PHF24: variants seen among roughly 807,000 people sequenced by gnomAD.
The protein encoded by PHF24 is PHD finger protein 24.
Under a neutral mutation model 42.6 loss-of-function variants are expected in PHF24, and 25 were observed. The ratio of observed to expected loss-of-function variants is 0.59; its 90% CI spans 0.43 to 0.82. The LOEUF (loss-of-function observed/expected upper bound fraction) is 0.82. PHF24 is among the 40% of genes least tolerant of loss of function. The pLI, the probability that PHF24 is intolerant of heterozygous loss-of-function variation, is 0.00. For synonymous variants in PHF24, 185 were observed against 204.8 expected, an observed-to-expected ratio of 0.90 and a Z score of 0.83; for missense variants, 470 against 538.1, an observed-to-expected ratio of 0.87 and a Z score of 1.25.
the PHF24 span, among the ~76,000 whole-genome samples, chr9:34,783,579 C>G: frequency 6.6e-6 from 1 of 152,194 alleles, no homozygotes; most frequent in African/African-American, 2.4e-5. Flanking sequence ...CTGAATAAAT[C>G]AAATCTTGTT....
At chr9:34,838,248 T>C in the PHF24 span, 4 of 637,194 alleles carry the variant, frequency 6.3e-6, no homozygotes, top group South Asian at 1.9e-5. Context: ...GCATAAAAAT[T>C]GGGGGAGAGG....
the PHF24 span, among the ~76,000 whole-genome samples, chr9:34,888,274 G>A: frequency 1.3e-5 from 2 of 152,128 alleles, no homozygotes; most frequent in Non-Finnish European, 2.9e-5. Context: ...TTATATGACT[G>A]TCTATCCCAG....
chr9:34,963,540 G>A (rs1293943673), intron 1 of PHF24, among the ~76,000 whole-genome samples: 1 of 152,050 alleles, frequency 6.6e-6, no homozygotes, highest in East Asian at 1.9e-4. Flanking sequence ...TTCAAACCCA[G>A]GACAAAGGAA....
the PHF24 span, chr9:34,729,478 AG>A: frequency 1.3e-5 from 19 of 1,516,066 alleles, no homozygotes; most frequent in Non-Finnish European, 1.7e-5. Context: ...CTCGGAATTC[AG>A]GGTTCTGGTG....
At chr9:34,795,230 C>G in the PHF24 span, among the ~76,000 whole-genome samples, 1 of 150,222 alleles carries the variant, frequency 6.7e-6, no homozygotes, top group Non-Finnish European at 1.5e-5. Context: ...GGCAACAGAG[C>G]AAGACCCTGT....
the PHF24 span, among the ~76,000 whole-genome samples, chr9:34,940,412 A>C: frequency 1.3e-5 from 2 of 151,972 alleles, no homozygotes; most frequent in East Asian, 1.9e-4. Flanking sequence ...AAAAAAAAAA[A>C]AAACCTGTCT....
the PHF24 span, among the ~76,000 whole-genome samples, chr9:34,787,825 C>A: frequency 1.3e-5 from 2 of 152,148 alleles, no homozygotes; most frequent in Non-Finnish European, 2.9e-5. Flanking sequence ...TCATAAGGTT[C>A]AAAAATGACC....
the PHF24 span, among the ~76,000 whole-genome samples, chr9:34,934,938 G>A: frequency 6.6e-6 from 1 of 152,076 alleles, no homozygotes; most frequent in Non-Finnish European, 1.5e-5. Flanking sequence ...TTTTACAGAA[G>A]CAATTTACTC....
At chr9:34,740,888 CTCTT>C in the PHF24 span, among the ~76,000 whole-genome samples, 5 of 151,620 alleles carry the variant, frequency 3.3e-5, no homozygotes, top group Admixed American at 1.3e-4. Flanking sequence ...TTCTCTCTCT[CTCTT>C]TTTTTTTTTG....
chr9:34,692,660 C>T, the PHF24 span, among the ~76,000 whole-genome samples: 4 of 152,216 alleles, frequency 2.6e-5, no homozygotes, highest in East Asian at 5.8e-4. Context: ...TCTTAGTGTC[C>T]TTATTTGTAA....
the PHF24 span, among the ~76,000 whole-genome samples, chr9:34,860,495 A>C: frequency 1.1e-4 from 16 of 152,334 alleles, no homozygotes; most frequent in Admixed American, 3.3e-4. Context: ...AAAGCTCTTA[A>C]CCAGGATTAA....
the PHF24 span, among the ~76,000 whole-genome samples, chr9:34,929,402 G>T: frequency 2.0e-5 from 3 of 152,050 alleles, no homozygotes; most frequent in African/African-American, 7.2e-5. Context: ...TTTGCTTATG[G>T]TCTGTCTCCA....
the PHF24 span, among the ~76,000 whole-genome samples, chr9:34,774,549 A>C: frequency 6.6e-6 from 1 of 152,170 alleles, no homozygotes; most frequent in African/African-American, 2.4e-5. Context: ...AGGTAGGTGG[A>C]TCACCTGAGG....
the PHF24 span, among the ~76,000 whole-genome samples, chr9:34,855,211 G>C: frequency 2.0e-5 from 3 of 152,082 alleles, no homozygotes; most frequent in Non-Finnish European, 1.5e-5. Context: ...TACCAATGGG[G>C]CTTGGCTCTT....
the PHF24 span, among the ~76,000 whole-genome samples, chr9:34,818,831 G>A: frequency 2.4e-4 from 37 of 152,152 alleles, no homozygotes; most frequent in Non-Finnish European, 4.7e-4. Context: ...GAGTTGGCAA[G>A]TACTATCTTG....
the PHF24 span, among the ~76,000 whole-genome samples, chr9:34,822,166 C>A: frequency 6.6e-6 from 1 of 152,014 alleles, no homozygotes; most frequent in African/African-American, 2.4e-5. Flanking sequence ...AATCCATTAT[C>A]TTTTAGAGTG....
At chr9:34,743,426 A>G in the PHF24 span, among the ~76,000 whole-genome samples, 1 of 152,254 alleles carries the variant, frequency 6.6e-6, no homozygotes, top group Non-Finnish European at 1.5e-5. Context: ...ATTTACAAAC[A>G]TAGTAAACCC....
chr9:34,754,748 G>A, the PHF24 span, among the ~76,000 whole-genome samples: 2 of 152,228 alleles, frequency 1.3e-5, no homozygotes, highest in South Asian at 4.1e-4. Context: ...AGAGGTACCT[G>A]TACTCCCGTT....
At chr9:34,822,174 G>C in the PHF24 span, among the ~76,000 whole-genome samples, 1 of 151,928 alleles carries the variant, frequency 6.6e-6, no homozygotes, top group Non-Finnish European at 1.5e-5. Context: ...ATCTTTTAGA[G>C]TGACTAAAAA....
Sources: allele counts gnomAD v4.1 joint callset (sites outside exome capture counted in the v4.1 genomes callset), GRCh38; gene constraint gnomAD v4.1.1; transcripts MANE v1.5; gene names NCBI Gene and HGNC (gene_info 2026-07-23, HGNC 2026-07-21).